CCDC144A: variants seen among roughly 807,000 people sequenced by gnomAD.
CCDC144A encodes the protein coiled-coil domain containing 144A.
In CCDC144A, 41 loss-of-function variants were observed where a neutral mutation model predicts 143.8. The observed-to-expected ratio is 0.29, with a 90% CI of 0.22 to 0.37. The LOEUF is 0.37. Among genes scored for constraint, CCDC144A ranks in the 10% least tolerant of loss-of-function variants. The pLI is 1.00. For synonymous variants in CCDC144A, 242 were observed against 517.9 expected (o/e 0.47, Z 7.23); for missense variants, 637 against 1,488.8 (o/e 0.43, Z 9.41).
intron 2 of CCDC144A, 135 bp from the exon 3 acceptor site, chr17:16,705,016 G>T (rs2621617): frequency 1.4e-6 from 1 of 719,624 alleles, no homozygotes; most frequent in South Asian, 1.7e-5. Flanking sequence ...AATATAATAA[G>T]CCTGAATGCA....
At chr17:16,687,765 GACATA>G (rs1430723785), upstream of CCDC144A, among the ~76,000 whole-genome samples, 1 of 152,134 alleles carries the variant, frequency 6.6e-6, no homozygotes, top group Non-Finnish European at 1.5e-5. Context: ...TGCAGTAAAG[GACATA>G]ACCTCACAGC....
chr17:16,722,903 G>T (rs1913176555), intron 8 of CCDC144A, among the ~76,000 whole-genome samples: 1 of 152,118 alleles, frequency 6.6e-6, no homozygotes, highest in African/African-American at 2.4e-5. Flanking sequence ...CCTAAAGGAG[G>T]ATATCTTGGT....
intron 12 of CCDC144A, among the ~76,000 whole-genome samples, chr17:16,747,459 A>G (rs1464381618): frequency 1.3e-5 from 2 of 152,206 alleles, no homozygotes; most frequent in Non-Finnish European, 2.9e-5. Context: ...GAAAAATGAC[A>G]TTAGTAGTTT....
chr17:16,737,593 C>T (rs1430657855), intron 12 of CCDC144A: 8 of 1,297,706 alleles, frequency 6.2e-6, no homozygotes, highest in Non-Finnish European at 8.1e-6. Flanking sequence ...CAACAACCTA[C>T]GTCAGAGGCT....
the CCDC144A span, among the ~76,000 whole-genome samples, chr17:16,677,048 C>T: frequency 3.0e-4 from 46 of 152,202 alleles, no homozygotes; most frequent in Non-Finnish European, 6.0e-4. Context: ...GTGATTCTGA[C>T]GTCACATGTG....
chr17:16,776,750 G>A lies in CCDC144A; in HGVS notation c.*3117G>A, dbSNP rs1384135946. On this transcript the variant is annotated 3_prime_UTR_variant, in exon 17 of 17. Transcript: ENST00000399273. ...TTCTAATACTGTGTTGAATAGGAGT[G>A]GTGAGAGAGGGCATCTTTGTCTTGT... 4 of 152,086 alleles carry A rather than the reference G, an allele frequency of 2.6e-5. No homozygotes were observed. In the East Asian group the frequency reaches 7.8e-4, roughly 30 times the overall value. The allele number at this position is 152,086 out of a possible 1,614,324, so 9.4% of individuals were successfully genotyped here. A position where few individuals can be genotyped will look rare whatever the true frequency, so the allele number is the denominator to read the frequency against.
At chr17:16,731,541 T>C (rs985075264) in intron 9 of CCDC144A, 1 of 156,530 alleles carries the variant, frequency 6.4e-6, no homozygotes, top group African/African-American at 2.5e-5. Flanking sequence ...AAATATGCTT[T>C]TCCATAATAT....
chr17:16,723,269 G>A, intron 8 of CCDC144A, among the ~76,000 whole-genome samples: 1 of 152,028 alleles, frequency 6.6e-6, no homozygotes, highest in Non-Finnish European at 1.5e-5. Flanking sequence ...AAGTTGTCAT[G>A]TTTAGTCACA....
At chr17:16,766,932 T>TAC (rs1329305076) in intron 15 of CCDC144A, 11 of 152,280 alleles carry the variant, frequency 7.2e-5, no homozygotes, top group Non-Finnish European at 1.6e-4. Flanking sequence ...GCATACCTAG[T>TAC]TTCCTTGTGG....
chr17:16,707,265 G>A (rs1912116938), intron 3 of CCDC144A: 4 of 475,424 alleles, frequency 8.4e-6, no homozygotes, highest in Non-Finnish European at 1.5e-5. Context: ...GTGGCATCTA[G>A]TGTCTCCCAG....
chr17:16,700,675 T>C (rs576656304), intron 2 of CCDC144A, among the ~76,000 whole-genome samples: 1 of 152,368 alleles, frequency 6.6e-6, no homozygotes, highest in South Asian at 2.1e-4. Flanking sequence ...GCAAATAATA[T>C]GACAGACCAT....
intron 12 of CCDC144A, among the ~76,000 whole-genome samples, chr17:16,757,233 C>T (rs1915133428): frequency 6.6e-6 from 1 of 152,274 alleles, no homozygotes; most frequent in Non-Finnish European, 1.5e-5. Context: ...TGGTAGCATG[C>T]ATGGGCACTG....
At chr17:16,722,322 T>G (rs1027896446) in intron 8 of CCDC144A, among the ~76,000 whole-genome samples, 61 of 152,302 alleles carry the variant, frequency 4.0e-4, no homozygotes, top group African/African-American at 1.2e-3. Context: ...TCATTGGATT[T>G]GATTTGCCAA....
intron 6 of CCDC144A, among the ~76,000 whole-genome samples, chr17:16,716,812 G>GTTT (rs1281244236): frequency 2.0e-4 from 26 of 131,222 alleles, no homozygotes; most frequent in African/African-American, 3.1e-4. Context: ...GATTCCAGCT[G>GTTT]TTTTTTTTTT....
chr17:16,699,576 A>G (rs1174808142), intron 2 of CCDC144A, among the ~76,000 whole-genome samples: 4 of 110,290 alleles, frequency 3.6e-5, no homozygotes, highest in Non-Finnish European at 7.3e-5. Flanking sequence ...ATTATAGCAC[A>G]CTGCAGCTTT....
chr17:16,743,020 G>A (rs1914331334), intron 12 of CCDC144A, among the ~76,000 whole-genome samples: 1 of 151,956 alleles, frequency 6.6e-6, no homozygotes, highest in African/African-American at 2.4e-5. Flanking sequence ...ACAATTGTTG[G>A]TTGTTTCCTT....
chr17:16,720,187 T>G lies in CCDC144A; in HGVS notation c.1716-11T>G, dbSNP rs1487035015. ...GCTATTTTTCTAAAAGGAATTGTTT[T>G]TTTTTTTCAGGCCTGCAGATAAAAC... is the stretch of plus-strand genomic sequence containing the variant. On this transcript the variant is annotated splice_polypyrimidine_tract_variant and intron_variant, in intron 6 of 16. Transcript: ENST00000399273. 1.3e-6 allele frequency: 2 copies of G among 1,515,484 alleles called. No homozygotes were observed. Among genetic ancestry groups the G allele is most frequent in the East Asian group, 2.4e-5 (1 of 40,906 alleles). 93.9% of individuals were successfully genotyped at this position (1,515,484 alleles called of 1,614,324 possible). A position where few individuals can be genotyped will look rare whatever the true frequency, so the allele number is the denominator to read the frequency against.
At chr17:16,753,853 G>A (rs1329511220) in intron 12 of CCDC144A, among the ~76,000 whole-genome samples, 1 of 152,218 alleles carries the variant, frequency 6.6e-6, no homozygotes, top group Admixed American at 6.5e-5. Context: ...TGGCCTTAGA[G>A]TAATACTGAA....
At chr17:16,725,935 T>C (rs1217844218) in intron 8 of CCDC144A, among the ~76,000 whole-genome samples, 2 of 151,948 alleles carry the variant, frequency 1.3e-5, no homozygotes, top group Middle Eastern at 3.4e-3. Context: ...TGGGGACTTA[T>C]TCCTGCTTGA....
Sources: allele counts gnomAD v4.1 joint callset (sites outside exome capture counted in the v4.1 genomes callset), GRCh38; gene constraint gnomAD v4.1.1; transcripts MANE v1.5; gene names NCBI Gene and HGNC (gene_info 2026-07-23, HGNC 2026-07-21).